CDC42BPA: variants seen among roughly 807,000 people sequenced by gnomAD.
CDC42BPA encodes serine/threonine-protein kinase MRCK alpha.
A neutral mutation model predicts 223.5 loss-of-function variants in CDC42BPA; 80 were observed. The observed-to-expected ratio is 0.36, with a 90% CI of 0.30 to 0.43. The LOEUF is 0.43. Among genes scored for constraint, CDC42BPA ranks in the 20% least tolerant of loss-of-function variants. The pLI is 1.00. For synonymous variants in CDC42BPA, 694 were observed against 718.6 expected, an observed-to-expected ratio of 0.97 and a Z score of 0.55; for missense variants, 1,743 against 2,099.9, an observed-to-expected ratio of 0.83 and a Z score of 3.32.
intron 11 of CDC42BPA, among the ~76,000 whole-genome samples, chr1:227,122,047 C>T (rs1396926250): frequency 1.3e-5 from 2 of 152,004 alleles, no homozygotes; most frequent in African/African-American, 2.4e-5. Flanking sequence ...GTGATCCGCC[C>T]GCCTCAGCCT....
At chr1:227,104,337 G>A (rs2149334992) in intron 14 of CDC42BPA, among the ~76,000 whole-genome samples, 1 of 152,152 alleles carries the variant, frequency 6.6e-6, no homozygotes, top group East Asian at 1.9e-4. Context: ...TTATAATACT[G>A]CAAAGAATTT....
intron 1 of CDC42BPA, chr1:227,264,676 T>G (rs1684682082): frequency 3.3e-6 from 2 of 599,078 alleles, no homozygotes; most frequent in Non-Finnish European, 6.1e-6. Flanking sequence ...AAAAATTTTT[T>G]AATTTCAAGG....
rs1667719336 is a variant in CDC42BPA at position 227,023,321 on chromosome 1, T to C, written c.4557A>G (p.Ser1519=). 4.5e-6 allele frequency: 7 copies of C among 1,549,192 alleles called. No individual in the cohort carries two copies. The highest frequency in any genetic ancestry group is 6.2e-6 in the Non-Finnish European group (7 of 1,130,372). The change falls in exon 32 of 37, where the codon TCA becomes TCG. Residue 1519 remains serine, a synonymous_variant. Transcript: ENST00000366766. ...KKVRPLNNEG[S]LNLLGLETIR... ...TGGTCTCCAACCCTAAAAGATTTAA[T>C]GATCCTTCATTGTTTAAGGGTCGAA...
chr1:227,247,527 G>T (rs988855515), intron 2 of CDC42BPA, among the ~76,000 whole-genome samples: 9 of 151,740 alleles, frequency 5.9e-5, no homozygotes, highest in Admixed American at 3.3e-4. Context: ...GAAACTCAAA[G>T]AAATTCAAGA....
intron 1 of CDC42BPA, chr1:227,265,062 A>T: frequency 1.3e-6 from 1 of 777,694 alleles, no homozygotes; most frequent in Admixed American, 1.7e-5. Context: ...GCAGGAAAAA[A>T]ATCCTGCATT....
chr1:227,137,818 A>G (rs909544391), intron 10 of CDC42BPA, among the ~76,000 whole-genome samples: 2 of 152,138 alleles, frequency 1.3e-5, no homozygotes, highest in African/African-American at 4.8e-5. Context: ...AAATTCATTA[A>G]TGGTGAAACA....
intron 11 of CDC42BPA, among the ~76,000 whole-genome samples, chr1:227,122,080 C>A (rs902660844): frequency 6.6e-6 from 1 of 152,182 alleles, no homozygotes; most frequent in African/African-American, 2.4e-5. Context: ...GGATTACAGG[C>A]ATGAGCCACT....
chr1:227,035,658 G>A, intron 24 of CDC42BPA, 51 bp from the exon 25 acceptor site: 1 of 1,454,636 alleles, frequency 6.9e-7, no homozygotes, highest in Non-Finnish European at 9.3e-7. Flanking sequence ...TTAACAAAAA[G>A]AAAATTCGTA....
rs183307904 is a variant in CDC42BPA at position 227,211,680 on chromosome 1, C to T, written c.354+1456G>A. Among the ~76,000 whole-genome samples, 53 of 152,092 alleles carry T rather than the reference C, an allele frequency of 3.5e-4. 1 individual carries two copies. The East Asian group carries it at 7.2e-3, about 21-fold the overall frequency. ...TGAAAAAAACTCAGAAAGCCAAATA[C>T]CACATGTTCTCATTTATAAGTGGAA... On this transcript the variant is annotated intron_variant, in intron 3 of 36. Coordinates refer to ENST00000366766, the MANE Select transcript of CDC42BPA (RefSeq NM_001394014.1).
At chr1:227,239,176 G>A (rs1012355415) in intron 2 of CDC42BPA, among the ~76,000 whole-genome samples, 3 of 152,136 alleles carry the variant, frequency 2.0e-5, no homozygotes, top group African/African-American at 7.2e-5. Context: ...ATCTGAACAG[G>A]CTACATACTG....
intron 1 of CDC42BPA, among the ~76,000 whole-genome samples, chr1:227,297,094 C>A (rs1690771907): frequency 6.6e-6 from 1 of 152,122 alleles, no homozygotes; most frequent in Admixed American, 6.5e-5. Flanking sequence ...TAAAACTTTT[C>A]TAAAAATAGT....
chr1:227,284,297 G>A (rs1450838402), intron 1 of CDC42BPA, among the ~76,000 whole-genome samples: 1 of 152,040 alleles, frequency 6.6e-6, no homozygotes, highest in Admixed American at 6.6e-5. Context: ...ATGAAAAGCT[G>A]AACTTAAAGC....
At chr1:227,307,210 A>G (rs1214909974) in intron 1 of CDC42BPA, among the ~76,000 whole-genome samples, 1 of 152,220 alleles carries the variant, frequency 6.6e-6, no homozygotes, top group African/African-American at 2.4e-5. Flanking sequence ...CTTTGTAAAG[A>G]TATATACACC....
chr1:227,178,296 A>G (rs1311650891), intron 5 of CDC42BPA: 1 of 152,360 alleles, frequency 6.6e-6, no homozygotes, highest in Non-Finnish European at 1.5e-5. Context: ...ATCTCATGAG[A>G]TCTGATGGTT....
Position 227,242,768 on chromosome 1 carries a change from T to C in CDC42BPA, c.270+11296A>G, listed in dbSNP as rs1025700053. ...AACAAGACATCTACATTGAAAAATA[T>C]TCCTCAAAGAACAAAAACAGAAACA... On this transcript the variant is annotated intron_variant, in intron 2 of 36. Transcript: ENST00000366766. Among the ~76,000 whole-genome samples the C allele has an allele frequency of 7.2e-5, 11 of 152,100 alleles. No individual in the cohort carries two copies. The South Asian group carries it at 8.3e-4, about 11-fold the overall frequency.
chr1:227,251,485 C>A (rs1024149585), intron 2 of CDC42BPA, among the ~76,000 whole-genome samples: 3 of 152,088 alleles, frequency 2.0e-5, no homozygotes, highest in Non-Finnish European at 2.9e-5. Flanking sequence ...TTATATTCTA[C>A]TGAACAGTAA....
chr1:227,209,147 GCTCT>G (rs1244530509), intron 3 of CDC42BPA, among the ~76,000 whole-genome samples: 18 of 135,118 alleles, frequency 1.3e-4, no homozygotes, highest in African/African-American at 4.9e-4. Context: ...TCATGATTTG[GCTCT>G]CTGTTTGTCT....
rs943979412 is a variant in CDC42BPA, at chr1:227,143,014, G to A, written c.1154C>T (p.Pro385Leu). The change falls in exon 9 of 37, where the codon CCC becomes CTC. Residue 385 changes from proline to leucine, a missense_variant. Pro to Leu is a moderately conservative substitution (Grantham distance 98). Around this residue, in one of 6 missense-constraint regions of CDC42BPA, gnomAD observed 321 missense variants for 488.7 expected, o/e 0.66. Transcript: ENST00000366766. ...DDCLKNSETM[P>L]PPTHTAFSGH... ...AGAAAATGCAGTATGTGTTGGTGGG[G>A]GCATCGTTTCCTAAAGGAGGAAAAA... The A allele has an allele frequency of 4.6e-6, 7 of 1,524,614 alleles. No homozygotes were observed. In the African/African-American group the frequency reaches 5.8e-5, roughly 13 times the overall value. The allele number at this position is 1,524,614 out of a possible 1,614,324, so 94.4% of individuals were successfully genotyped here. A position where few individuals can be genotyped will look rare whatever the true frequency, so the allele number is the denominator to read the frequency against.
At chr1:227,001,696 C>T (rs1471394351) in intron 35 of CDC42BPA, among the ~76,000 whole-genome samples, 6 of 152,176 alleles carry the variant, frequency 3.9e-5, no homozygotes, top group South Asian at 2.1e-4. Flanking sequence ...TACCTGAGGT[C>T]GGGAGTTCAA....
Sources: allele counts gnomAD v4.1 joint callset (sites outside exome capture counted in the v4.1 genomes callset), GRCh38; gene constraint gnomAD v4.1.1; regional missense constraint gnomAD v4.1.1; transcripts MANE v1.5; gene names NCBI Gene and HGNC (gene_info 2026-07-23, HGNC 2026-07-21).